CFAP77: variants seen among roughly 807,000 people sequenced by gnomAD.
CFAP77 encodes the protein cilia and flagella associated protein 77, also known as cilia- and flagella-associated protein 77.
Under a neutral mutation model 31.1 loss-of-function variants are expected in CFAP77, and 25 were observed. That is an observed-to-expected ratio of 0.80 (90% CI 0.59 to 1.12). CFAP77 has a LOEUF of 1.12. CFAP77 is among the 50% of genes most tolerant of loss of function. CFAP77 has a pLI of 0.00. For synonymous variants in CFAP77, 151 were observed against 159.9 expected (o/e 0.94, Z 0.42); for missense variants, 377 against 397.3 (o/e 0.95, Z 0.44).
At chr9:132,471,120 G>A (rs1851246411) in intron 1 of CFAP77, among the ~76,000 whole-genome samples, 1 of 152,286 alleles carries the variant, frequency 6.6e-6, no homozygotes, top group Middle Eastern at 3.4e-3. Flanking sequence ...TGATGGGTGA[G>A]TTGGCCTCAC....
chr9:132,474,062 C>T (rs1039182696), intron 1 of CFAP77, among the ~76,000 whole-genome samples: 1 of 152,108 alleles, frequency 6.6e-6, no homozygotes, highest in Non-Finnish European at 1.5e-5. Flanking sequence ...ATTTGCCGGC[C>T]CTAGAGATGT....
rs557128692 is a variant in CFAP77 at position 132,539,877 on chromosome 9, T to C, written c.630+2171T>C. Among the ~76,000 whole-genome samples, 4 of 152,238 alleles carry C rather than the reference T, an allele frequency of 2.6e-5. No homozygotes were observed. The highest frequency in any genetic ancestry group is 5.9e-5 in the Non-Finnish European group (4 of 68,048). Reference sequence around the variant, plus strand: ...AGGGAGCATTACCAGCACAAACTGCTTTCTAGCCCCGCATTAGAGCTGGGA... The same window carrying C: ...AGGGAGCATTACCAGCACAAACTGCCTTCTAGCCCCGCATTAGAGCTGGGA... On this transcript the variant is annotated intron_variant, in intron 4 of 5. Transcript: ENST00000393216. This position sits in a 1 kb window ranked among gnomAD's most constrained non-coding sequence, Gnocchi z 4.3.
chr9:132,431,865 A>G (rs1850416650), intron 1 of CFAP77, among the ~76,000 whole-genome samples: 1 of 152,196 alleles, frequency 6.6e-6, no homozygotes, highest in Non-Finnish European at 1.5e-5. Context: ...AGTACATCTC[A>G]GTGAATCCCA....
intron 1 of CFAP77, among the ~76,000 whole-genome samples, chr9:132,464,054 G>GCTAGGGCACAA (rs1238144515): frequency 6.6e-6 from 1 of 152,186 alleles, no homozygotes; most frequent in Non-Finnish European, 1.5e-5. Context: ...ATCACAACCT[G>GCTAGGGCACAA]CTGTGCTTAC....
rs981992169 is a variant in CFAP77, at chr9:132,513,974, G to A, written c.524+14374G>A. On this transcript the variant is annotated intron_variant, in intron 3 of 5. Coordinates refer to ENST00000393216, the MANE Select transcript of CFAP77 (RefSeq NM_001282957.2). ...ATGACAGTGAGGAGATCTCCCTCCC[G>A]TGTCCCTGACCATGGGTGACAGTGA... Among the ~76,000 whole-genome samples, 11 of 122,656 alleles carry A rather than the reference G, an allele frequency of 9.0e-5. No individual in the cohort carries two copies. The East Asian group carries it at 1.1e-3, about 13-fold the overall frequency. The allele number at this position is 122,656 out of a possible 152,430, so 80.5% of individuals were successfully genotyped here. A position where few individuals can be genotyped will look rare whatever the true frequency, so the allele number is the denominator to read the frequency against.
At chr9:132,428,025 G>T (rs1320020756) in intron 1 of CFAP77, among the ~76,000 whole-genome samples, 2 of 151,106 alleles carry the variant, frequency 1.3e-5, no homozygotes, top group East Asian at 3.9e-4. Flanking sequence ...CTGAGACAGG[G>T]TCTTGCTTTG....
At chr9:132,548,567 C>G (rs1225822092) in intron 5 of CFAP77, among the ~76,000 whole-genome samples, 1 of 152,106 alleles carries the variant, frequency 6.6e-6, no homozygotes, top group African/African-American at 2.4e-5. Flanking sequence ...TGTGCCCCAG[C>G]AGCGAGGCCT....
intron 3 of CFAP77, among the ~76,000 whole-genome samples, chr9:132,518,429 C>T (rs1454775346): frequency 6.6e-6 from 1 of 152,162 alleles, no homozygotes; most frequent in African/African-American, 2.4e-5. Flanking sequence ...AACCCGGATT[C>T]GGATCCTGGC....
chr9:132,430,299 G>T (rs1668413135), intron 1 of CFAP77, among the ~76,000 whole-genome samples: 1 of 152,062 alleles, frequency 6.6e-6, no homozygotes, highest in African/African-American at 2.4e-5. Flanking sequence ...GATGGGGGGA[G>T]AAAAAGTGGA....
intron 3 of CFAP77, among the ~76,000 whole-genome samples, chr9:132,531,864 C>A (rs766836992): frequency 6.6e-6 from 1 of 152,094 alleles, no homozygotes; most frequent in Non-Finnish European, 1.5e-5. Context: ...GAGCTGCTGG[C>A]CGGAGCTAGA....
rs1554742546 is a variant in CFAP77, at chr9:132,486,016, A to ATATATATATGTATG, written c.196-12670_196-12669insGTATGTATATATAT. ...TATATATATATATATATATATATAT[A>ATATATATATGTATG]TATATATATATATATATATATATAT... On this transcript the variant is annotated intron_variant, in intron 1 of 5. Coordinates refer to ENST00000393216, the MANE Select transcript of CFAP77 (RefSeq NM_001282957.2). Among the ~76,000 whole-genome samples the ATATATATATGTATG allele has an allele frequency of 5.8e-3, 95 of 16,338 alleles. 4 individuals carry two copies. Among genetic ancestry groups the ATATATATATGTATG allele is most frequent in the Non-Finnish European group, 8.1e-3 (84 of 10,362 alleles). 10.7% of individuals were successfully genotyped at this position (16,338 alleles called of 152,430 possible). A position where few individuals can be genotyped will look rare whatever the true frequency, so the allele number is the denominator to read the frequency against.
intron 1 of CFAP77, among the ~76,000 whole-genome samples, chr9:132,473,118 G>C (rs1395994228): frequency 1.3e-5 from 2 of 152,098 alleles, no homozygotes; most frequent in African/African-American, 4.8e-5. Context: ...GGGGGAGGGA[G>C]GTTCCAGGCT....
chr9:132,473,070 G>T (rs536534019), intron 1 of CFAP77, among the ~76,000 whole-genome samples: 3 of 152,168 alleles, frequency 2.0e-5, no homozygotes, highest in Non-Finnish European at 4.4e-5. Flanking sequence ...GGGAGCCGGG[G>T]TGTGCAGGGA....
intron 1 of CFAP77, among the ~76,000 whole-genome samples, chr9:132,476,687 C>T (rs891779474): frequency 2.0e-5 from 3 of 152,020 alleles, no homozygotes; most frequent in Admixed American, 6.6e-5. Flanking sequence ...ATTTGAGGCA[C>T]AGAGACACAC....
intron 3 of CFAP77, among the ~76,000 whole-genome samples, chr9:132,502,471 C>G (rs1851867230): frequency 6.6e-6 from 1 of 152,124 alleles, no homozygotes; most frequent in Non-Finnish European, 1.5e-5. Context: ...AACCGAAACT[C>G]TTTCCCTATT....
intron 1 of CFAP77, among the ~76,000 whole-genome samples, chr9:132,450,151 T>C (rs997309052): frequency 6.6e-6 from 1 of 151,642 alleles, no homozygotes; most frequent in South Asian, 2.1e-4. Flanking sequence ...AGGATGGTCC[T>C]GATCTCCTGA....
Position 132,542,951 on chromosome 9 carries a change from C to T in CFAP77, c.636C>T (p.Val212=), listed in dbSNP as rs763954954. ...AIKLEKKQKV[V]LGKLYETRSS... ...TGCCTTTCCCTGGCCTACAGGTGGTCCTTGGGAAGCTGTATGAGACCCGGA... is the reference window on the plus strand; with the variant it reads ...TGCCTTTCCCTGGCCTACAGGTGGTTCTTGGGAAGCTGTATGAGACCCGGA... Residue 212 remains valine (V), a synonymous_variant, in exon 5 of 6, where the codon GTC becomes GTT. Transcript: ENST00000393216. 6.2e-7 allele frequency: 1 copy of T among 1,614,086 alleles called. No individual in the cohort carries two copies. Among genetic ancestry groups the T allele is most frequent in the Non-Finnish European group, 8.5e-7 (1 of 1,179,934 alleles).
At chr9:132,434,700 C>T (rs1850472551) in intron 1 of CFAP77, among the ~76,000 whole-genome samples, 1 of 152,054 alleles carries the variant, frequency 6.6e-6, no homozygotes, top group Admixed American at 6.5e-5. Flanking sequence ...ATCACAACAA[C>T]CTGTGTGTTA....
At chr9:132,454,378 T>C (rs534838495) in intron 1 of CFAP77, among the ~76,000 whole-genome samples, 1 of 152,300 alleles carries the variant, frequency 6.6e-6, no homozygotes, top group Non-Finnish European at 1.5e-5. Context: ...CCAGTGTAAG[T>C]CAGTTCGATT....
Sources: allele counts gnomAD v4.1 joint callset (sites outside exome capture counted in the v4.1 genomes callset), GRCh38; gene constraint gnomAD v4.1.1; non-coding constraint Gnocchi (gnomAD v3.1); transcripts MANE v1.5; gene names NCBI Gene and HGNC (gene_info 2026-07-23, HGNC 2026-07-21).